RPP38: variants seen among roughly 807,000 people sequenced by gnomAD.
RPP38 encodes ribonuclease P/MRP subunit p38, also known as ribonuclease P protein subunit p38.
A neutral mutation model predicts 1.7 loss-of-function variants in RPP38; 2 were observed. The ratio of observed to expected loss-of-function variants is 1.18; its 90% CI spans 0.48 to 3.70. RPP38 has a LOEUF of 3.70. RPP38 is among the 30% of genes most tolerant of loss of function. RPP38 has a pLI of 0.07. For synonymous variants in RPP38, 151 were observed against 131.8 expected (o/e 1.15, Z -1.00); for missense variants, 358 against 340.1 (o/e 1.05, Z -0.41).
At chr10:15,103,176 G>A in intron 2 of RPP38, 129 bp from the exon 3 acceptor site, 1 of 852,724 alleles carries the variant, frequency 1.2e-6, no homozygotes, top group African/African-American at 1.7e-5. Context: ...TGGGCAACAA[G>A]AGTGAAATTC....
At chr10:15,102,443 C>A (rs1398666794) in intron 2 of RPP38, 107 bp downstream of exon 2, 1 of 152,072 alleles carries the variant, frequency 6.6e-6, no homozygotes, top group African/African-American at 2.4e-5. Context: ...ACCACAGCCT[C>A]CCGAAATTCT....
rs1032711085 is a variant in RPP38, at chr10:15,103,882, G to A, written c.568G>A (p.Val190Met). The change falls in exon 3 of 3, where the codon GTG (valine) becomes ATG (methionine). Residue 190 changes from valine to methionine, a missense_variant. Coordinates refer to ENST00000378197, the MANE Select transcript of RPP38 (RefSeq NM_183005.5). ...LAFKKNTTDF[V>M]DEVRAIIPRV... ...GTTCAAAAAGAACACCACTGACTTTGTGGACGAAGTAAGAGCCATCATCCC... is the reference window on the plus strand; with the variant it reads ...GTTCAAAAAGAACACCACTGACTTTATGGACGAAGTAAGAGCCATCATCCC... 8 of 1,614,158 alleles carry A rather than the reference G, an allele frequency of 5.0e-6. No homozygotes were observed. The highest frequency in any genetic ancestry group is 5.9e-6 in the Non-Finnish European group (7 of 1,180,034).
chr10:15,098,557 C>T (rs373548616), intron 1 of RPP38, among the ~76,000 whole-genome samples: 201 of 150,836 alleles, frequency 1.3e-3, no homozygotes, highest in African/African-American at 4.6e-3. Flanking sequence ...CCTTTCTTTA[C>T]TCCATACTTC....
At chr10:15,100,056 A>G (rs141992183) in intron 1 of RPP38, among the ~76,000 whole-genome samples, 22 of 152,326 alleles carry the variant, frequency 1.4e-4, no homozygotes, top group African/African-American at 5.3e-4. Context: ...CTCTAAAGCT[A>G]TAAAATCTTA....
At chr10:15,098,905 A>AAAAGTC (rs1554818067) in intron 1 of RPP38, among the ~76,000 whole-genome samples, 2,243 of 136,872 alleles carry the variant, frequency 0.016, 111 homozygotes, top group Middle Eastern at 0.027. Context: ...AAAAAAAAAA[A>AAAAGTC]AGTTCCTCTG....
In RPP38 at chr10:15,103,353, C is replaced by A; in HGVS notation, c.39C>A (p.Leu13=). 2 of 1,606,212 alleles carry A rather than the reference C, an allele frequency of 1.2e-6. No individual in the cohort carries two copies. Among genetic ancestry groups the A allele is most frequent in the Non-Finnish European group, 1.7e-6 (2 of 1,177,336 alleles). The part of the protein sequence containing the change: ...AAPQAPGRGS[L]RKTRPLVVKT... ...CTCAAGCACCGGGGCGGGGATCTCT[C>A]CGTAAGACGAGACCTCTGGTTGTGA... is the stretch of plus-strand genomic sequence containing the variant. The change falls in exon 3 of 3, where the codon CTC becomes CTA. Residue 13 remains leucine (L), a synonymous_variant. Transcript: ENST00000378197.
At chr10:15,098,232 T>TTTG (rs1554817935) in intron 1 of RPP38, among the ~76,000 whole-genome samples, 1 of 142,106 alleles carries the variant, frequency 7.0e-6, no homozygotes, top group African/African-American at 2.8e-5. Flanking sequence ...ACGTGTTTTT[T>TTTG]TTTTTTTTTT....
chr10:15,099,907 C>T (rs2131420550), intron 1 of RPP38, among the ~76,000 whole-genome samples: 1 of 152,282 alleles, frequency 6.6e-6, no homozygotes, highest in South Asian at 2.1e-4. Context: ...TGCAGTGAGC[C>T]ATGATCGAAC....
At chr10:15,101,677 G>A (rs1845112301) in intron 1 of RPP38, among the ~76,000 whole-genome samples, 1 of 152,092 alleles carries the variant, frequency 6.6e-6, no homozygotes, top group Non-Finnish European at 1.5e-5. Flanking sequence ...AATCACCTGA[G>A]GTCAGGAGTT....
At chr10:15,100,515 C>G (rs572887990) in intron 1 of RPP38, among the ~76,000 whole-genome samples, 2 of 151,928 alleles carry the variant, frequency 1.3e-5, no homozygotes, top group Non-Finnish European at 2.9e-5. Flanking sequence ...AGGGTGTGAT[C>G]TCTCACCCTA....
intron 1 of RPP38, among the ~76,000 whole-genome samples, chr10:15,100,296 T>C (rs200071836): frequency 9.8e-6 from 1 of 102,430 alleles, no homozygotes; most frequent in Non-Finnish European, 2.0e-5. Flanking sequence ...TTTCACCCCC[T>C]GTCACTTATT....
chr10:15,101,019 T>G (rs1473119704), intron 1 of RPP38, among the ~76,000 whole-genome samples: 1 of 152,200 alleles, frequency 6.6e-6, no homozygotes, highest in Non-Finnish European at 1.5e-5. Flanking sequence ...CCAGGCCTTA[T>G]TATTGAAGAT....
At position 15,104,043 on chromosome 10, in the gene RPP38, G is replaced by C. The variant is rs1417442865; in HGVS notation, c.729G>C (p.Lys243Asn). The change falls in exon 3 of 3, where the codon AAG becomes AAC. Residue 243 changes from lysine (K) to asparagine (N), a missense_variant. Lys to Asn is a moderately conservative substitution (Grantham distance 94). Transcript: ENST00000378197. ...DTSFEDLSKP[K>N]RKLADGRQAS... ...CATTTGAAGATCTGTCAAAACCTAAGAGAAAGCTTGCTGACGGTCGGCAGG... is the reference window on the plus strand; with the variant it reads ...CATTTGAAGATCTGTCAAAACCTAACAGAAAGCTTGCTGACGGTCGGCAGG... 1.9e-6 allele frequency: 3 copies of C among 1,614,132 alleles called. No homozygotes were observed. Among genetic ancestry groups the C allele is most frequent in the Non-Finnish European group, 2.5e-6 (3 of 1,180,040 alleles).
Position 15,103,362 on chromosome 10 carries a change from G to A in RPP38, c.48G>A (p.Thr16=), listed in dbSNP as rs35539850. The A allele has an allele frequency of 0.14, 223,113 of 1,610,004 alleles. 16,086 individuals are homozygous for A. Among genetic ancestry groups the A allele is most frequent in the Middle Eastern group, 0.2 (1,199 of 6,042 alleles). Residue 16 remains threonine (T), a synonymous_variant, in exon 3 of 3, where the codon ACG becomes ACA. Transcript: ENST00000378197. ...QAPGRGSLRK[T]RPLVVKTSLN... is the part of the protein sequence containing the mutation. ...CGGGGCGGGGATCTCTCCGTAAGAC[G>A]AGACCTCTGGTTGTGAAGACGTCGT...
chr10:15,098,884 CAAAAAA>C (rs781428605), intron 1 of RPP38, among the ~76,000 whole-genome samples: 5 of 39,684 alleles, frequency 1.3e-4, no homozygotes, highest in African/African-American at 6.7e-4. Context: ...GACTCCGTCT[CAAAAAA>C]AAAAAAAAAA....
chr10:15,103,918 A>C lies in RPP38; in HGVS notation c.604A>C (p.Ser202Arg), dbSNP rs12249258. Residue 202 changes from serine (S) to arginine (R), a missense_variant, in exon 3 of 3, where the codon AGT (serine) becomes CGT (arginine). By Grantham distance (110) the Ser-to-Arg change is moderately radical (BLOSUM62 -1). Transcript: ENST00000378197. ...EVRAIIPRVP[S>R]LSVPWLQDRI... Reference sequence around the variant, plus strand: ...AAGAGCCATCATCCCCAGAGTCCCCAGTTTAAGTGTACCATGGCTTCAAGA... The same window carrying C: ...AAGAGCCATCATCCCCAGAGTCCCCCGTTTAAGTGTACCATGGCTTCAAGA... 11,757 of 1,614,196 alleles carry C rather than the reference A, an allele frequency of 7.3e-3. 643 individuals carry two copies. The African/African-American group carries it at 0.13, about 18-fold the overall frequency.
Position 15,103,435 on chromosome 10 carries a change from A to G in RPP38, c.121A>G (p.Met41Val), listed in dbSNP as rs1296009577. The G allele has an allele frequency of 1.2e-6, 2 of 1,614,242 alleles. No homozygotes were observed. Among genetic ancestry groups the G allele is most frequent in the Non-Finnish European group, 1.7e-6 (2 of 1,180,046 alleles). Residue 41 changes from methionine to valine, a missense_variant, in exon 3 of 3, where the codon ATG becomes GTG. Physicochemically the swap from Met to Val is conservative, Grantham distance 21. Coordinates refer to ENST00000378197, the MANE Select transcript of RPP38 (RefSeq NM_183005.5). ...CTGGAGCGCTCTGGAGAGCGAGGAT[A>G]TGCACTTCATCCTACAGACGCTTGA... is the stretch of plus-strand genomic sequence containing the variant. ...IRWSALESED[M>V]HFILQTLEDR...
intron 1 of RPP38, among the ~76,000 whole-genome samples, chr10:15,098,485 G>A (rs759241348): frequency 1.3e-5 from 2 of 151,260 alleles, no homozygotes; most frequent in South Asian, 2.1e-4. Flanking sequence ...GCTTCCCAAA[G>A]TGCTGGGATT....
chr10:15,097,904 T>A (rs1301125491), intron 1 of RPP38, 138 bp downstream of exon 1: 1 of 152,280 alleles, frequency 6.6e-6, no homozygotes, highest in Admixed American at 6.5e-5. Flanking sequence ...GTCACTACTG[T>A]GTCGGGAGAT....
Sources: allele counts gnomAD v4.1 joint callset (sites outside exome capture counted in the v4.1 genomes callset), GRCh38; gene constraint gnomAD v4.1.1; transcripts MANE v1.5; gene names NCBI Gene and HGNC (gene_info 2026-07-23, HGNC 2026-07-21).